The following NRG1 variants were observed in gnomAD, a reference collection of about 807,000 sequenced individuals.
The protein encoded by NRG1 is neuregulin 1, also known as pro-neuregulin-1, membrane-bound isoform.
NRG1 carries 18 observed loss-of-function variants against 63.8 expected under a neutral mutation model. The observed-to-expected ratio is 0.28, with a 90% CI of 0.19 to 0.42. NRG1 has a LOEUF of 0.42. Among genes scored for constraint, NRG1 ranks in the 10% least tolerant of loss-of-function variants. The pLI, the probability that NRG1 is intolerant of heterozygous loss-of-function variation, is 1.00. For synonymous variants in NRG1, 302 were observed against 301.3 expected, an observed-to-expected ratio of 1.00 and a Z score of -0.02; for missense variants, 762 against 814.7, an observed-to-expected ratio of 0.94 and a Z score of 0.79.
At chr8:32,162,168 C>T (rs1019203500) in intron 1 of NRG1, among the ~76,000 whole-genome samples, 1 of 152,178 alleles carries the variant, frequency 6.6e-6, no homozygotes, top group Non-Finnish European at 1.5e-5. Context: ...TTGAGCTATT[C>T]ATGGCAAGAC....
chr8:31,683,598 T>G (rs1808567686), intron 1 of NRG1, among the ~76,000 whole-genome samples: 2 of 152,176 alleles, frequency 1.3e-5, no homozygotes, highest in Non-Finnish European at 2.9e-5. Flanking sequence ...AACTATTTTT[T>G]ATGATTCTGA....
intron 1 of NRG1, among the ~76,000 whole-genome samples, chr8:32,360,875 A>G (rs1017908421): frequency 6.6e-6 from 1 of 152,202 alleles, no homozygotes; most frequent in Non-Finnish European, 1.5e-5. Context: ...CCATAAGGCC[A>G]TTAAACTCAT....
At chr8:31,788,073 G>A (rs146743463) in intron 1 of NRG1, among the ~76,000 whole-genome samples, 2 of 152,238 alleles carry the variant, frequency 1.3e-5, no homozygotes, top group Non-Finnish European at 2.9e-5. Context: ...ATTACAGTCA[G>A]TGATTGCAAA....
intron 1 of NRG1, among the ~76,000 whole-genome samples, chr8:32,500,850 T>C (rs1026110311): frequency 5.9e-5 from 9 of 152,218 alleles, no homozygotes; most frequent in African/African-American, 2.2e-4. Context: ...ATTATAATTG[T>C]TTTTTATCAG....
At chr8:32,733,650 G>T (rs6985825) in intron 6 of NRG1, among the ~76,000 whole-genome samples, 6,119 of 152,114 alleles carry the variant, frequency 0.04, 416 homozygotes, top group African/African-American at 0.14. Flanking sequence ...ACAGCTATTT[G>T]CCAGGCACTT....
chr8:32,589,534 G>T (rs1240443794), intron 1 of NRG1, among the ~76,000 whole-genome samples: 1 of 152,204 alleles, frequency 6.6e-6, no homozygotes, highest in Non-Finnish European at 1.5e-5. Context: ...ATAACATTTT[G>T]CAGGTTTCCT....
intron 1 of NRG1, among the ~76,000 whole-genome samples, chr8:32,526,678 T>A (rs1830877100): frequency 6.6e-6 from 1 of 152,176 alleles, no homozygotes; most frequent in Non-Finnish European, 1.5e-5. Flanking sequence ...AGTAGTGACC[T>A]CCATCTTGCA....
intron 1 of NRG1, among the ~76,000 whole-genome samples, chr8:31,866,913 G>C (rs1825133): frequency 0.51 from 78,237 of 151,980 alleles, 20,837 homozygotes; most frequent in East Asian, 0.75. Flanking sequence ...GGAGGGCACT[G>C]TTCCTCCCAG....
intron 1 of NRG1, among the ~76,000 whole-genome samples, chr8:32,409,142 A>G (rs928074197): frequency 1.3e-5 from 2 of 152,262 alleles, no homozygotes; most frequent in South Asian, 4.1e-4. Context: ...TCATCCATTG[A>G]TTGAATGGTG....
intron 1 of NRG1, among the ~76,000 whole-genome samples, chr8:31,730,254 T>C (rs1455825777): frequency 1.3e-5 from 2 of 152,174 alleles, no homozygotes; most frequent in Non-Finnish European, 2.9e-5. Flanking sequence ...TTCAAGCTTA[T>C]GCTCTCTGTA....
chr8:31,694,493 G>A (rs1262172403), intron 1 of NRG1, among the ~76,000 whole-genome samples: 2 of 152,224 alleles, frequency 1.3e-5, no homozygotes, highest in Non-Finnish European at 2.9e-5. Flanking sequence ...AGGAGAGGCT[G>A]CTTTTGGAGA....
At chr8:31,927,197 G>GTCT (rs1834427618) in intron 1 of NRG1, among the ~76,000 whole-genome samples, 2 of 152,050 alleles carry the variant, frequency 1.3e-5, no homozygotes, top group African/African-American at 4.8e-5. Context: ...TGTTACAGAG[G>GTCT]TAAAGTGGCT....
At chr8:31,748,450 G>A (rs1416557935) in intron 1 of NRG1, among the ~76,000 whole-genome samples, 11 of 151,796 alleles carry the variant, frequency 7.2e-5, no homozygotes, top group African/African-American at 2.4e-5. Context: ...CTGAAATTTT[G>A]CCTTTAACTA....
At chr8:32,299,464 G>A (rs576813954) in intron 1 of NRG1, among the ~76,000 whole-genome samples, 4 of 152,104 alleles carry the variant, frequency 2.6e-5, no homozygotes, top group Non-Finnish European at 4.4e-5. Flanking sequence ...CTCTTATAAA[G>A]CACCTCATTT....
intron 1 of NRG1, among the ~76,000 whole-genome samples, chr8:32,426,563 A>T (rs1341050956): frequency 6.6e-6 from 1 of 152,168 alleles, no homozygotes; most frequent in Non-Finnish European, 1.5e-5. Context: ...TTCTCCTAGG[A>T]TGTTTATGTT....
chr8:31,939,786 A>G (rs536125058), intron 1 of NRG1, among the ~76,000 whole-genome samples: 1 of 152,308 alleles, frequency 6.6e-6, no homozygotes, highest in East Asian at 1.9e-4. Context: ...CAGAATAAAC[A>G]AAATTTACAG....
intron 1 of NRG1, chr8:32,063,518 A>G (rs1355538167): frequency 1.3e-5 from 2 of 152,132 alleles, no homozygotes; most frequent in Admixed American, 1.3e-4. Context: ...AATTGAGACT[A>G]TTCTGGGAAA....
intron 1 of NRG1, among the ~76,000 whole-genome samples, chr8:32,140,775 T>G (rs752790502): frequency 5.3e-5 from 8 of 152,140 alleles, no homozygotes; most frequent in Admixed American, 2.0e-4. Flanking sequence ...TTCTCTCTTC[T>G]TTTCTAACTA....
At chr8:32,766,067 A>G (rs891971277) in exon 12 of NRG1, 7 of 152,186 alleles carry the variant, frequency 4.6e-5, no homozygotes, top group African/African-American at 1.2e-4. Context: ...CGGGGGATTC[A>G]TGAAGTCAGT....
Sources: gnomAD v4.1 joint callset for allele counts (sites outside exome capture counted in the v4.1 genomes callset) on GRCh38, gnomAD v4.1.1 for gene constraint, MANE v1.5 for transcripts, NCBI Gene and HGNC (gene_info 2026-07-23, HGNC 2026-07-21) for gene names.